The following AP1M2 variants were observed in gnomAD, a reference collection of about 807,000 sequenced individuals.
The protein encoded by AP1M2 is AP-1 complex subunit mu-2.
In AP1M2, 41 loss-of-function variants were observed where a neutral mutation model predicts 54.6. The observed-to-expected ratio is 0.75, with a 90% CI of 0.59 to 0.97. The LOEUF (loss-of-function observed/expected upper bound fraction) is 0.97. Among genes scored for constraint, AP1M2 ranks in the 50% least tolerant of loss-of-function variants. AP1M2 has a pLI of 0.00. For missense variants in AP1M2, 507 were observed against 561.2 expected, an observed-to-expected ratio of 0.90 and a Z score of 0.98; for synonymous variants, 219 against 215.9, an observed-to-expected ratio of 1.01 and a Z score of -0.13.
Position 10,583,978 on chromosome 19 carries a change from G to C in AP1M2, c.135C>G (p.Ala45=). The change falls in exon 2 of 12, where the codon GCC becomes GCG. Residue 45 remains alanine (A), a synonymous_variant. Coordinates refer to ENST00000250244, the MANE Select transcript of AP1M2 (RefSeq NM_005498.5). ...GGCCGTGGCTCAGCAGCGGGGCCAG[G>C]GCGCCTTCCTCCTCCCGCTGTACCA... The part of the protein sequence containing the change: ...PLLVQREEEG[A]LAPLLSHGQV... 6.2e-7 allele frequency: 1 copy of C among 1,605,528 alleles called. No individual in the cohort carries two copies. The highest frequency in any genetic ancestry group is 1.7e-5 in the Admixed American group (1 of 58,520).
intron 2 of AP1M2, 62 bp from the exon 3 acceptor site, chr19:10,583,735 C>T (rs755249473): frequency 4.5e-6 from 7 of 1,544,210 alleles, no homozygotes; most frequent in East Asian, 4.5e-5. Flanking sequence ...ATACAGACCC[C>T]GAACCTCCAC....
intron 9 of AP1M2, among the ~76,000 whole-genome samples, chr19:10,576,340 G>C (rs1424721031): frequency 1.4e-5 from 2 of 142,794 alleles, no homozygotes; most frequent in Non-Finnish European, 3.0e-5. Context: ...TCTGCTCACT[G>C]CAAGCTCCAC....
rs188124779 is a variant in AP1M2 at position 10,587,199 on chromosome 19, A to G, written c.33T>C (p.Val11=). 8.2e-5 allele frequency: 128 copies of G among 1,559,624 alleles called. No individual in the cohort carries two copies. In the African/African-American group the frequency reaches 1.4e-3, roughly 17 times the overall value. MSASAVFILD[V]KGKPLISRNY... ...TCATGCCCAGCCTCACCTTGCCCTT[A>G]ACGTCCAGAATGAAGACAGCCGAGG... The change falls in exon 1 of 12, where the codon GTT becomes GTC. Residue 11 remains valine, a synonymous_variant. Coordinates refer to ENST00000250244, the MANE Select transcript of AP1M2 (RefSeq NM_005498.5).
intron 6 of AP1M2, among the ~76,000 whole-genome samples, 176 bp downstream of exon 6, chr19:10,581,090 G>A (rs553420494): frequency 2.0e-5 from 3 of 152,288 alleles, no homozygotes; most frequent in Admixed American, 1.3e-4. Flanking sequence ...CCCAATAGTC[G>A]CTCAATCATG....
At position 10,583,898 on chromosome 19, in the gene AP1M2, C is replaced by A. The variant is rs746619843; in HGVS notation, c.199+16G>T. 1.3e-6 allele frequency: 2 copies of A among 1,586,752 alleles called. No individual in the cohort carries two copies. Among genetic ancestry groups the A allele is most frequent in the African/African-American group, 1.3e-5 (1 of 74,346 alleles). On this transcript the variant is annotated intron_variant, in intron 2 of 11. Transcript: ENST00000250244. ...CCCCCACACCCACCTCCAGGGACAC[C>A]ACGTGGGGTGGATACAGTAGAGGTT...
rs780032228 is a variant in AP1M2 at position 10,579,775 on chromosome 19, T to C, written c.757A>G (p.Ile253Val). The change falls in exon 7 of 12, where the codon ATC becomes GTC. Residue 253 changes from isoleucine to valine, a missense_variant. Coordinates refer to ENST00000250244, the MANE Select transcript of AP1M2 (RefSeq NM_005498.5). ...TCACCATCAGGCGGGATGAAGGAGATGGTGCGGTCGTTGTCAAAGCGAGAG... is the reference window on the plus strand; with the variant it reads ...TCACCATCAGGCGGGATGAAGGAGACGGTGCGGTCGTTGTCAAAGCGAGAG... ...RLSRFDNDRTISFIPPDGDFE... is the reference protein window; with the variant it reads ...RLSRFDNDRTVSFIPPDGDFE... 4 of 1,613,940 alleles carry C rather than the reference T, an allele frequency of 2.5e-6. No individual in the cohort carries two copies. Among genetic ancestry groups the C allele is most frequent in the Non-Finnish European group, 2.5e-6 (3 of 1,179,886 alleles).
chr19:10,586,107 C>T (rs763371473), intron 1 of AP1M2, among the ~76,000 whole-genome samples: 2 of 152,006 alleles, frequency 1.3e-5, no homozygotes, highest in Non-Finnish European at 2.9e-5. Context: ...CATGGTGAAA[C>T]CCCATCTCTA....
At chr19:10,573,835 A>AT (rs1009753101) in intron 11 of AP1M2, among the ~76,000 whole-genome samples, 1 of 150,098 alleles carries the variant, frequency 6.7e-6, no homozygotes, top group African/African-American at 2.5e-5. Flanking sequence ...TAATTTTTAT[A>AT]TTTTTTGTAG....
chr19:10,581,574 G>T lies in AP1M2; in HGVS notation c.459C>A (p.Val153=), dbSNP rs992829194. ...ETGKSRVPPT[V]TNAVSWRSEG... ...CGGAGCGCCAGGACACAGCGTTGGT[G>T]ACAGTGGGTGGCACCCGTGACTTGC... The change falls in exon 5 of 12, where the codon GTC becomes GTA. Residue 153 remains valine (V), a synonymous_variant. Transcript: ENST00000250244. 3.9e-5 allele frequency: 63 copies of T among 1,613,724 alleles called. No individual in the cohort carries two copies. The highest frequency in any genetic ancestry group is 4.6e-5 in the Non-Finnish European group (54 of 1,179,848).
intron 8 of AP1M2, among the ~76,000 whole-genome samples, chr19:10,577,926 G>C (rs35531859): frequency 0.25 from 37,251 of 151,822 alleles, 5,297 homozygotes; most frequent in East Asian, 0.59. Flanking sequence ...AGTAGAGACA[G>C]CGTTTCTCCA....
intron 11 of AP1M2, among the ~76,000 whole-genome samples, chr19:10,573,688 G>T (rs1169224880): frequency 7.9e-6 from 1 of 126,030 alleles, no homozygotes; most frequent in Non-Finnish European, 1.6e-5. Flanking sequence ...TTTTGAGCCA[G>T]GGTCTCACTC....
chr19:10,574,018 G>A (rs1002514696), intron 11 of AP1M2, among the ~76,000 whole-genome samples: 5 of 151,638 alleles, frequency 3.3e-5, no homozygotes, highest in African/African-American at 1.2e-4. Flanking sequence ...GACAAGAAGG[G>A]GCAGTTTGCT....
At position 10,583,994 on chromosome 19, in the gene AP1M2, C is replaced by T. The variant is rs774902548; in HGVS notation, c.119G>A (p.Arg40Gln). 7.5e-6 allele frequency: 12 copies of T among 1,607,618 alleles called. No individual in the cohort carries two copies. Among genetic ancestry groups the T allele is most frequent in the East Asian group, 4.5e-5 (2 of 44,632 alleles). The change falls in exon 2 of 12, where the codon CGG becomes CAG. Residue 40 changes from arginine to glutamine, a missense_variant. Arg to Gln is a conservative substitution (Grantham distance 43). Transcript: ENST00000250244. The part of the protein sequence containing the change: ...IEHFMPLLVQ[R>Q]EEEGALAPLL... ...CGGGGCCAGGGCGCCTTCCTCCTCC[C>T]GCTGTACCAGCAAAGGCATGAAGTG...
chr19:10,584,776 AT>A (rs1369958347), intron 1 of AP1M2, among the ~76,000 whole-genome samples: 1 of 152,142 alleles, frequency 6.6e-6, no homozygotes, highest in Non-Finnish European at 1.5e-5. Flanking sequence ...CATCATCTCC[AT>A]TTCACACAGG....
chr19:10,585,290 A>G (rs868841939), intron 1 of AP1M2, among the ~76,000 whole-genome samples: 6,692 of 82,628 alleles, frequency 0.081, 510 homozygotes, highest in Admixed American at 0.14. Context: ...AAAAAAAGAA[A>G]GAAAGAAAGA....
chr19:10,585,795 T>A (rs1289880866), intron 1 of AP1M2, among the ~76,000 whole-genome samples: 1 of 151,982 alleles, frequency 6.6e-6, no homozygotes, highest in Non-Finnish European at 1.5e-5. Flanking sequence ...CTATTAATAT[T>A]AATGGGAATA....
chr19:10,585,307 G>GAAA, intron 1 of AP1M2, among the ~76,000 whole-genome samples: 1 of 145,384 alleles, frequency 6.9e-6, no homozygotes, highest in Non-Finnish European at 1.5e-5. Context: ...AAGAAAGAAA[G>GAAA]AAAGAAAGAA....
At chr19:10,586,734 C>A (rs1917665534) in intron 1 of AP1M2, among the ~76,000 whole-genome samples, 1 of 151,498 alleles carries the variant, frequency 6.6e-6, no homozygotes, top group Admixed American at 6.6e-5. Flanking sequence ...ACCCTGTCTC[C>A]AAAATAAAAA....
At chr19:10,581,440 C>T in intron 5 of AP1M2, 47 bp downstream of exon 5, 1 of 1,610,774 alleles carries the variant, frequency 6.2e-7, no homozygotes, top group Non-Finnish European at 8.5e-7. Flanking sequence ...ACTCCGTCTC[C>T]TGCAGCCAGG....
Sources: allele counts gnomAD v4.1 joint callset (sites outside exome capture counted in the v4.1 genomes callset), GRCh38; gene constraint gnomAD v4.1.1; transcripts MANE v1.5; gene names NCBI Gene and HGNC (gene_info 2026-07-23, HGNC 2026-07-21).